CYP4X1: variants seen among roughly 807,000 people sequenced by gnomAD.
The protein encoded by CYP4X1 is cytochrome P450 4X1.
A neutral mutation model predicts 57.9 loss-of-function variants in CYP4X1; 44 were observed. That is an observed-to-expected ratio of 0.76 (90% confidence interval 0.60 to 0.98). The LOEUF is 0.98. Among genes scored for constraint, CYP4X1 ranks in the 50% least tolerant of loss-of-function variants. The pLI, the probability that CYP4X1 is intolerant of heterozygous loss-of-function variation, is 0.00. For missense variants in CYP4X1, 532 were observed against 623.9 expected, an observed-to-expected ratio of 0.85 and a Z score of 1.57; for synonymous variants, 227 against 228.6, an observed-to-expected ratio of 0.99 and a Z score of 0.06.
At chr1:46,996,546 G>T in the CYP4X1 span, among the ~76,000 whole-genome samples, 1 of 152,202 alleles carries the variant, frequency 6.6e-6, no homozygotes, top group South Asian at 2.1e-4. Context: ...GATGTTTATG[G>T]AGAATGTTTA....
the CYP4X1 span, among the ~76,000 whole-genome samples, chr1:47,012,834 C>T: frequency 6.6e-6 from 1 of 152,168 alleles, no homozygotes; most frequent in Non-Finnish European, 1.5e-5. Flanking sequence ...CTTCCTGGTA[C>T]TTGGGAGTGA....
At chr1:47,003,544 T>C in the CYP4X1 span, among the ~76,000 whole-genome samples, 3 of 152,192 alleles carry the variant, frequency 2.0e-5, no homozygotes, top group African/African-American at 4.8e-5. Flanking sequence ...TGTACAAGCA[T>C]GATGCCGGCA....
intron 1 of CYP4X1, among the ~76,000 whole-genome samples, chr1:47,027,272 T>C (rs1043745004): frequency 6.6e-6 from 1 of 152,166 alleles, no homozygotes; most frequent in Non-Finnish European, 1.5e-5. Flanking sequence ...CCTCCCCATT[T>C]ATCAGATCAG....
chr1:46,967,701 G>T, the CYP4X1 span: 2 of 920,426 alleles, frequency 2.2e-6, no homozygotes, highest in Non-Finnish European at 3.0e-6. Context: ...CCCCACAATG[G>T]TTAGGGACCC....
At chr1:46,986,879 G>A in the CYP4X1 span, among the ~76,000 whole-genome samples, 1 of 152,118 alleles carries the variant, frequency 6.6e-6, no homozygotes, top group South Asian at 2.1e-4. Context: ...CCTAAAGGAA[G>A]CACTAAACAT....
intron 6 of CYP4X1, among the ~76,000 whole-genome samples, chr1:47,036,387 C>CACATATAT (rs1557606030): frequency 7.4e-6 from 1 of 134,698 alleles, no homozygotes; most frequent in Non-Finnish European, 1.6e-5. Context: ...TATATATATA[C>CACATATAT]ACTATTTTTA....
In CYP4X1 at chr1:47,023,898, G is replaced by T; in HGVS notation, c.81G>T (p.Leu27=). 4.3e-6 allele frequency: 7 copies of T among 1,613,740 alleles called. No individual in the cohort carries two copies. Among genetic ancestry groups the T allele is most frequent in the Non-Finnish European group, 5.9e-6 (7 of 1,180,004 alleles). Residue 27 remains leucine, a synonymous_variant, in exon 1 of 12, where the codon CTG becomes CTT. Coordinates refer to ENST00000371901, the MANE Select transcript of CYP4X1 (RefSeq NM_178033.2). ...AFVFCLALGL[L]QAIKLYLRRQ... ...TGTTCTGCCTGGCCCTGGGGCTGCT[G>T]CAGGCCATTAAGCTGTACCTGCGGA...
the CYP4X1 span, among the ~76,000 whole-genome samples, chr1:46,983,768 G>A: frequency 3.3e-5 from 5 of 152,166 alleles, no homozygotes; most frequent in Non-Finnish European, 5.9e-5. Flanking sequence ...AAAATGGTGG[G>A]CATGTCCATT....
Position 47,023,877 on chromosome 1 carries a change from C to T in CYP4X1, c.60C>T (p.Phe20=). The change falls in exon 1 of 12, where the codon TTC becomes TTT. Residue 20 remains phenylalanine (F), a synonymous_variant. Transcript: ENST00000371901. ...GGCCCTTTTACCTGGCGTTCGTGTT[C>T]TGCCTGGCCCTGGGGCTGCTGCAGG... ...WARPFYLAFV[F]CLALGLLQAI... 1 of 1,613,736 alleles carries T rather than the reference C, an allele frequency of 6.2e-7. No homozygotes were observed. The highest frequency in any genetic ancestry group is 1.7e-4 in the Middle Eastern group (1 of 5,718).
the CYP4X1 span, among the ~76,000 whole-genome samples, chr1:46,964,328 G>A: frequency 6.6e-6 from 1 of 152,142 alleles, no homozygotes; most frequent in Non-Finnish European, 1.5e-5. Flanking sequence ...GATTTTTAGA[G>A]TTTCCAGTTT....
At chr1:46,999,761 T>C in the CYP4X1 span, among the ~76,000 whole-genome samples, 5 of 152,084 alleles carry the variant, frequency 3.3e-5, no homozygotes, top group Non-Finnish European at 7.4e-5. Flanking sequence ...TTTTCTTTTT[T>C]TTTTTTAACT....
intron 6 of CYP4X1, among the ~76,000 whole-genome samples, chr1:47,037,186 T>C (rs1364542574): frequency 6.6e-6 from 1 of 152,030 alleles, no homozygotes; most frequent in African/African-American, 2.4e-5. Flanking sequence ...TTTTTAAATA[T>C]TATACAATTA....
chr1:47,005,992 G>A, the CYP4X1 span, among the ~76,000 whole-genome samples: 487 of 152,304 alleles, frequency 3.2e-3, 1 homozygote, highest in African/African-American at 0.011. Context: ...AGCACCTGAT[G>A]TTCACTGGCT....
chr1:46,967,015 A>G, the CYP4X1 span, among the ~76,000 whole-genome samples: 1 of 152,256 alleles, frequency 6.6e-6, no homozygotes, highest in Non-Finnish European at 1.5e-5. Context: ...TTAATTTTAC[A>G]TGTTAACTTG....
upstream of CYP4X1, among the ~76,000 whole-genome samples, chr1:47,023,217 G>T (rs1644018082): frequency 1.3e-5 from 2 of 152,182 alleles, no homozygotes; most frequent in Admixed American, 6.5e-5. Flanking sequence ...ATGATGGTAC[G>T]CTACTGTGCA....
At chr1:47,054,538 T>A (rs542500551), downstream of CYP4X1, among the ~76,000 whole-genome samples, 2,657 of 152,210 alleles carry the variant, frequency 0.017, 78 homozygotes, top group African/African-American at 0.061. Context: ...ATATTGATTC[T>A]TCCTACCCAT....
the CYP4X1 span, among the ~76,000 whole-genome samples, chr1:47,014,087 T>C: frequency 6.6e-6 from 1 of 152,188 alleles, no homozygotes; most frequent in Non-Finnish European, 1.5e-5. Context: ...CAATGTACTT[T>C]TAAATTTAAT....
chr1:46,996,002 T>A, the CYP4X1 span, among the ~76,000 whole-genome samples: 1 of 152,198 alleles, frequency 6.6e-6, no homozygotes, highest in Non-Finnish European at 1.5e-5. Context: ...AAACCTGGTT[T>A]TGGCTGTTTC....
chr1:47,039,427 C>G lies in CYP4X1; in HGVS notation c.968C>G (p.Ala323Gly). 1 of 1,613,678 alleles carries G rather than the reference C, an allele frequency of 6.2e-7. No individual in the cohort carries two copies. Among genetic ancestry groups the G allele is most frequent in the Non-Finnish European group, 8.5e-7 (1 of 1,179,802 alleles). The change falls in exon 8 of 12, where the codon GCA becomes GGA. Residue 323 changes from alanine (A) to glycine (G), a missense_variant. By Grantham distance (60) the Ala-to-Gly change is moderately conservative (BLOSUM62 0). Transcript: ENST00000371901. ...TTGGCAGGACATGACACCTTGGCAG[C>G]AAGCATCTCCTGGATCCTTTACTGC... ...FLLAGHDTLAASISWILYCLA... is the reference protein window; with the variant it reads ...FLLAGHDTLAGSISWILYCLA...
Sources: gnomAD v4.1 joint callset for allele counts (sites outside exome capture counted in the v4.1 genomes callset) on GRCh38, gnomAD v4.1.1 for gene constraint, MANE v1.5 for transcripts, NCBI Gene and HGNC (gene_info 2026-07-23, HGNC 2026-07-21) for gene names.